MDFIC2: variants seen among roughly 807,000 people sequenced by gnomAD.
The protein encoded by MDFIC2 is MyoD family inhibitor domain containing 2, also known as myoD family inhibitor domain-containing protein 2.
intron 3 of MDFIC2, among the ~76,000 whole-genome samples, chr3:70,199,742 T>G (rs1701218623): frequency 6.6e-6 from 1 of 152,202 alleles, no homozygotes; most frequent in African/African-American, 2.4e-5. Flanking sequence ...TGAATGAGTA[T>G]ATTTTTCTTT....
intron 2 of MDFIC2, among the ~76,000 whole-genome samples, chr3:70,280,276 G>A (rs539210333): frequency 1.7e-4 from 26 of 152,144 alleles, no homozygotes; most frequent in African/African-American, 5.8e-4. Flanking sequence ...TGCCACTCAT[G>A]TGATCCATGT....
intron 2 of MDFIC2, among the ~76,000 whole-genome samples, chr3:70,265,580 G>A (rs1311123867): frequency 1.3e-5 from 2 of 152,070 alleles, no homozygotes; most frequent in Non-Finnish European, 2.9e-5. Context: ...TTATCAAGGT[G>A]CTTCATTAAT....
At chr3:70,256,160 T>C (rs1299369848) in intron 2 of MDFIC2, among the ~76,000 whole-genome samples, 2 of 152,220 alleles carry the variant, frequency 1.3e-5, no homozygotes, top group Non-Finnish European at 2.9e-5. Context: ...TACGAATGAC[T>C]CTTTAAGATG....
intron 2 of MDFIC2, among the ~76,000 whole-genome samples, chr3:70,245,960 T>G (rs938744850): frequency 1.3e-5 from 2 of 151,522 alleles, no homozygotes; most frequent in Admixed American, 1.3e-4. Context: ...GCTTTGTTCT[T>G]TTGATATGGT....
chr3:70,245,074 G>T (rs968840454), intron 2 of MDFIC2, among the ~76,000 whole-genome samples: 1 of 152,110 alleles, frequency 6.6e-6, no homozygotes, highest in Admixed American at 6.6e-5. Context: ...ATTTCATTTT[G>T]AAGAGGAGAA....
At chr3:70,207,851 A>C (rs1701306652) in intron 2 of MDFIC2, among the ~76,000 whole-genome samples, 1 of 152,012 alleles carries the variant, frequency 6.6e-6, no homozygotes, top group Non-Finnish European at 1.5e-5. Context: ...GAGTCCTGGA[A>C]CCAGTTCCCC....
chr3:70,242,828 GGTGGCTGTGGAAATA>G (rs1463738868), intron 2 of MDFIC2, among the ~76,000 whole-genome samples: 4 of 152,084 alleles, frequency 2.6e-5, no homozygotes, highest in Non-Finnish European at 5.9e-5. Flanking sequence ...TTGTCTGGTG[GGTGGCTGTGGAAATA>G]TGGAGTATTT....
chr3:70,208,903 C>T (rs1240226468), intron 2 of MDFIC2, among the ~76,000 whole-genome samples: 1 of 151,892 alleles, frequency 6.6e-6, no homozygotes, highest in African/African-American at 2.4e-5. Flanking sequence ...TTTCATCCAC[C>T]ATAAAAGGGA....
chr3:70,300,335 A>C lies in MDFIC2; in HGVS notation c.88+11551T>G, dbSNP rs368560205. Among the ~76,000 whole-genome samples the C allele has an allele frequency of 1.6e-3, 236 of 152,252 alleles. 2 individuals are homozygous for C. Among genetic ancestry groups the C allele is most frequent in the African/African-American group, 5.5e-3 (229 of 41,562 alleles). On this transcript the variant is annotated intron_variant, in intron 2 of 3. Transcript: ENST00000567252. ...CTTTCCTTACCTACCACCTTCTCTTACAACATTATACAGACGTTTATTATA... is the reference window on the plus strand; with the variant it reads ...CTTTCCTTACCTACCACCTTCTCTTCCAACATTATACAGACGTTTATTATA...
At chr3:70,290,652 C>T (rs2106692352) in intron 2 of MDFIC2, among the ~76,000 whole-genome samples, 1 of 152,338 alleles carries the variant, frequency 6.6e-6, no homozygotes, top group South Asian at 2.1e-4. Context: ...GGCGCCCCTC[C>T]CCTAGCCTCG....
intron 2 of MDFIC2, among the ~76,000 whole-genome samples, chr3:70,214,486 G>T (rs1274585687): frequency 1.3e-5 from 2 of 152,008 alleles, no homozygotes; most frequent in Non-Finnish European, 2.9e-5. Flanking sequence ...AGAAGTGAGT[G>T]TTCAAGGTGA....
At chr3:70,302,490 G>A (rs1456823761) in intron 2 of MDFIC2, 1 of 152,052 alleles carries the variant, frequency 6.6e-6, no homozygotes, top group African/African-American at 2.4e-5. Context: ...TACTAATGTT[G>A]ATTAAGTGTA....
At chr3:70,238,007 C>G (rs1267114898) in intron 2 of MDFIC2, among the ~76,000 whole-genome samples, 1 of 8,614 alleles carries the variant, frequency 1.2e-4, no homozygotes, top group Non-Finnish European at 2.5e-4. Flanking sequence ...TTTTTTTTTG[C>G]CTGTCCAGGA....
intron 2 of MDFIC2, among the ~76,000 whole-genome samples, chr3:70,243,149 T>C (rs1360642326): frequency 6.6e-6 from 1 of 152,162 alleles, no homozygotes; most frequent in Non-Finnish European, 1.5e-5. Flanking sequence ...CCTGTGCCTT[T>C]TGTCTTCTGC....
intron 3 of MDFIC2, among the ~76,000 whole-genome samples, chr3:70,197,762 T>A (rs1227798769): frequency 2.6e-5 from 4 of 152,244 alleles, no homozygotes; most frequent in Non-Finnish European, 5.9e-5. Flanking sequence ...TTATTTTTAA[T>A]CTCTGTTTCC....
intron 2 of MDFIC2, among the ~76,000 whole-genome samples, chr3:70,211,362 TTGCCCTTCCCTTC>T (rs772201688): frequency 0.65 from 10,514 of 16,222 alleles, 4,141 homozygotes; most frequent in Non-Finnish European, 0.79. Context: ...TCCCTTCCCT[TTGCCCTTCCCTTC>T]CCTTTCCTTC....
intron 2 of MDFIC2, among the ~76,000 whole-genome samples, chr3:70,234,576 G>A (rs2106747390): frequency 6.6e-6 from 1 of 151,892 alleles, no homozygotes; most frequent in African/African-American, 2.4e-5. Context: ...GGAAGTCGAG[G>A]CTGCAGTGAG....
intron 3 of MDFIC2, among the ~76,000 whole-genome samples, chr3:70,199,070 C>T (rs1049705933): frequency 6.6e-6 from 1 of 152,140 alleles, no homozygotes; most frequent in Non-Finnish European, 1.5e-5. Context: ...TCTGTGATCC[C>T]TCAGGCTGAA....
intron 2 of MDFIC2, among the ~76,000 whole-genome samples, chr3:70,296,577 C>T (rs1702291328): frequency 6.6e-6 from 1 of 152,142 alleles, no homozygotes. Context: ...CTCTGTGTTT[C>T]CAGTGGAATA....
Sources: gnomAD v4.1 joint callset for allele counts (sites outside exome capture counted in the v4.1 genomes callset) on GRCh38, gnomAD v4.1.1 for gene constraint, MANE v1.5 for transcripts, NCBI Gene and HGNC (gene_info 2026-07-23, HGNC 2026-07-21) for gene names.